Variants in RBFOX1 observed in about 807,000 individuals in gnomAD.
RBFOX1 encodes the protein RNA binding protein fox-1 homolog 1.
RBFOX1 carries 8 observed loss-of-function variants against 57.7 expected under a neutral mutation model. The ratio of observed to expected loss-of-function variants is 0.14; its 90% CI spans 0.08 to 0.25. The LOEUF is 0.25. Among genes scored for constraint, RBFOX1 ranks in the 10% least tolerant of loss-of-function variants. The pLI is 1.00. For synonymous variants in RBFOX1, 326 were observed against 222.4 expected (o/e 1.47, Z -4.15); for missense variants, 611 against 548.5 (o/e 1.11, Z -1.14).
At chr16:7,092,678 C>G (rs2061055475) in intron 4 of RBFOX1, among the ~76,000 whole-genome samples, 1 of 152,134 alleles carries the variant, frequency 6.6e-6, no homozygotes, top group South Asian at 2.1e-4. Context: ...TGGGCACTGT[C>G]TATGGTACTG....
chr16:5,529,375 A>G (rs1047118584), intron 2 of RBFOX1, among the ~76,000 whole-genome samples: 5 of 146,028 alleles, frequency 3.4e-5, no homozygotes, highest in Non-Finnish European at 5.9e-5. Flanking sequence ...ACCCCAATCC[A>G]GTATGGCCAG....
chr16:6,990,352 C>G lies in RBFOX1; in HGVS notation c.-15-61705C>G, dbSNP rs569626043. 4.6e-5 allele frequency among the ~76,000 whole-genome samples: 7 copies of G among 152,018 alleles called. 1 individual carries two copies. The highest frequency in any genetic ancestry group is 1.4e-4 in the African/African-American group (6 of 41,386). On this transcript the variant is annotated intron_variant, in intron 3 of 15. Transcript: ENST00000550418. ...CCAGCCTGGCCAACATGGTGAAACC[C>G]CATTTCTACTAAAAATACAAAAGTT... is the stretch of plus-strand genomic sequence containing the variant.
At chr16:6,947,632 C>T (rs1031224874) in intron 3 of RBFOX1, among the ~76,000 whole-genome samples, 5 of 152,200 alleles carry the variant, frequency 3.3e-5, no homozygotes, top group Middle Eastern at 3.2e-3. Context: ...TGGTTCCAGA[C>T]AGAATGGATT....
At chr16:5,396,670 G>C (rs1025592649) in intron 1 of RBFOX1, among the ~76,000 whole-genome samples, 1 of 151,710 alleles carries the variant, frequency 6.6e-6, no homozygotes, top group East Asian at 1.9e-4. Flanking sequence ...GAAAGAAGGA[G>C]GAAAGATCAA....
At chr16:7,628,946 A>G (rs549753916) in intron 10 of RBFOX1, among the ~76,000 whole-genome samples, 89 of 152,304 alleles carry the variant, frequency 5.8e-4, no homozygotes, top group African/African-American at 2.0e-3. Flanking sequence ...AGAAAGAACT[A>G]TTAGTTTAGC....
At chr16:5,249,528 G>A (rs761695240) in intron 1 of RBFOX1, among the ~76,000 whole-genome samples, 12 of 152,234 alleles carry the variant, frequency 7.9e-5, no homozygotes, top group African/African-American at 1.4e-4. Context: ...GTCCTGATGT[G>A]GGGGTAAGCC....
chr16:6,206,439 T>G (rs926518471), intron 1 of RBFOX1, among the ~76,000 whole-genome samples: 7 of 152,188 alleles, frequency 4.6e-5, no homozygotes, highest in African/African-American at 1.4e-4. Context: ...CTTGCTATGA[T>G]AAACAACTAA....
chr16:7,131,345 T>G (rs1424123719), intron 4 of RBFOX1, among the ~76,000 whole-genome samples: 1 of 90,760 alleles, frequency 1.1e-5, no homozygotes, highest in Non-Finnish European at 2.6e-5. Context: ...GACTGTCTTT[T>G]TTTTTTTTTT....
chr16:6,262,591 A>G (rs2097708041), intron 1 of RBFOX1, among the ~76,000 whole-genome samples: 1 of 152,224 alleles, frequency 6.6e-6, no homozygotes, highest in South Asian at 2.1e-4. Flanking sequence ...CATCTTTCCC[A>G]ACAATTGATT....
At chr16:6,511,610 G>A (rs2096256310) in intron 2 of RBFOX1, among the ~76,000 whole-genome samples, 1 of 152,110 alleles carries the variant, frequency 6.6e-6, no homozygotes, top group Non-Finnish European at 1.5e-5. Context: ...TAATTGCCCT[G>A]GTTAGAATGA....
At chr16:7,488,356 C>G (rs8054543) in intron 4 of RBFOX1, among the ~76,000 whole-genome samples, 4 of 152,086 alleles carry the variant, frequency 2.6e-5, no homozygotes, top group Non-Finnish European at 4.4e-5. Flanking sequence ...TGGATAGATA[C>G]ACATTTAGAT....
chr16:6,408,405 G>T (rs1324403445), intron 2 of RBFOX1, among the ~76,000 whole-genome samples: 1 of 152,162 alleles, frequency 6.6e-6, no homozygotes, highest in African/African-American at 2.4e-5. Flanking sequence ...GGAGCCAATG[G>T]TTAGTGTTTT....
intron 4 of RBFOX1, among the ~76,000 whole-genome samples, chr16:7,164,059 C>G (rs1254299575): frequency 2.0e-5 from 3 of 152,142 alleles, no homozygotes; most frequent in South Asian, 4.1e-4. Flanking sequence ...TTTTGGTGCA[C>G]TCTTCACTAA....
chr16:6,608,730 C>G (rs1205457325), intron 2 of RBFOX1, among the ~76,000 whole-genome samples: 1 of 152,144 alleles, frequency 6.6e-6, no homozygotes, highest in Non-Finnish European at 1.5e-5. Flanking sequence ...CATGATTGTA[C>G]CACTGCATTC....
At chr16:7,133,509 A>C (rs1014144828) in intron 4 of RBFOX1, among the ~76,000 whole-genome samples, 1 of 152,200 alleles carries the variant, frequency 6.6e-6, no homozygotes, top group Non-Finnish European at 1.5e-5. Flanking sequence ...TGTTGCAACC[A>C]ACAGAGAATC....
At chr16:6,798,070 A>G (rs2084506490) in intron 3 of RBFOX1, among the ~76,000 whole-genome samples, 1 of 152,136 alleles carries the variant, frequency 6.6e-6, no homozygotes, top group African/African-American at 2.4e-5. Flanking sequence ...TAGGCATGTT[A>G]GAAAGACTAT....
At chr16:7,229,066 T>C (rs1002193516) in intron 4 of RBFOX1, among the ~76,000 whole-genome samples, 9 of 149,964 alleles carry the variant, frequency 6.0e-5, no homozygotes, top group Admixed American at 3.3e-4. Context: ...AAATGGTTAA[T>C]AGACTCAAGG....
chr16:7,439,701 T>C (rs2098750892), intron 4 of RBFOX1, among the ~76,000 whole-genome samples: 2 of 152,230 alleles, frequency 1.3e-5, no homozygotes, highest in African/African-American at 2.4e-5. Flanking sequence ...TGCTGTCTCA[T>C]TTGTGACTGT....
At chr16:5,316,862 G>A (rs1345728357) in intron 1 of RBFOX1, among the ~76,000 whole-genome samples, 1 of 152,204 alleles carries the variant, frequency 6.6e-6, no homozygotes, top group Non-Finnish European at 1.5e-5. Flanking sequence ...CCGGTGCACT[G>A]AGTGGGGAAG....
Sources: allele counts gnomAD v4.1 joint callset (sites outside exome capture counted in the v4.1 genomes callset), GRCh38; gene constraint gnomAD v4.1.1; transcripts MANE v1.5; gene names NCBI Gene and HGNC (gene_info 2026-07-23, HGNC 2026-07-21).